Variants in ART3 observed in about 807,000 individuals in gnomAD.
ART3 encodes the protein ecto-ADP-ribosyltransferase 3.
A neutral mutation model predicts 48.5 loss-of-function variants in ART3; 49 were observed. The observed-to-expected ratio is 1.01, with a 90% CI of 0.80 to 1.28. ART3 has a LOEUF of 1.28. ART3 is among the 50% of genes most tolerant of loss of function. The probability of loss-of-function intolerance (pLI) is 0.00; values close to 1 mark genes in which losing one functional copy is unlikely to be tolerated. For synonymous variants in ART3, 145 were observed against 157.2 expected, an observed-to-expected ratio of 0.92 and a Z score of 0.58; for missense variants, 438 against 454.3, an observed-to-expected ratio of 0.96 and a Z score of 0.33.
chr4:76,081,992 C>G lies in ART3; in HGVS notation c.238C>G (p.Arg80Gly), dbSNP rs753946318. 1.9e-6 allele frequency: 3 copies of G among 1,614,116 alleles called. No individual in the cohort carries two copies. Among genetic ancestry groups the G allele is most frequent in the Non-Finnish European group, 2.5e-6 (3 of 1,180,014 alleles). Reference protein sequence around the residue: ...WENAKAKWAARKTQIFLPMNF... With the variant: ...WENAKAKWAAGKTQIFLPMNF... ...AAATGCAAAAGCCAAATGGGCAGCC[C>G]GAAAGACTCAAATCTTTCTCCCTAT... is the stretch of plus-strand genomic sequence containing the variant. Residue 80 changes from arginine (R) to glycine (G), a missense_variant, in exon 3 of 12, where the codon CGA becomes GGA. Physicochemically the swap from Arg to Gly is moderately radical, Grantham distance 125 (BLOSUM62 -2). This residue lies in a region of ART3 where 206 missense variants were observed against 205.3 expected (regional missense o/e 1.00). Transcript: ENST00000355810.
intron 1 of ART3, among the ~76,000 whole-genome samples, chr4:76,063,999 A>C (rs1265033136): frequency 6.6e-6 from 1 of 152,206 alleles, no homozygotes; most frequent in Non-Finnish European, 1.5e-5. Context: ...TATGAAGCAA[A>C]AAGCTGTAGA....
chr4:76,052,279 AT>A, intron 1 of ART3, among the ~76,000 whole-genome samples: 3 of 152,150 alleles, frequency 2.0e-5, no homozygotes, highest in African/African-American at 7.2e-5. Flanking sequence ...GTATTTGAGA[AT>A]GAGATATATC....
intron 1 of ART3, among the ~76,000 whole-genome samples, chr4:76,055,516 A>G (rs1301218417): frequency 6.6e-6 from 1 of 152,232 alleles, no homozygotes; most frequent in Non-Finnish European, 1.5e-5. Context: ...AGAGGACAGC[A>G]GCAATGAAAA....
chr4:76,056,420 A>G (rs1223857416), intron 1 of ART3, among the ~76,000 whole-genome samples: 1 of 152,184 alleles, frequency 6.6e-6, no homozygotes, highest in Non-Finnish European at 1.5e-5. Context: ...GCCAGAGAGG[A>G]CTTTGAACAT....
chr4:76,075,298 T>G (rs1042372089), intron 1 of ART3: 1 of 152,394 alleles, frequency 6.6e-6, no homozygotes, highest in Non-Finnish European at 1.5e-5. Context: ...TATTTTACCC[T>G]CGGGCTTCTC....
chr4:76,053,586 G>T (rs1030531566), intron 1 of ART3, among the ~76,000 whole-genome samples: 3 of 152,126 alleles, frequency 2.0e-5, no homozygotes, highest in Non-Finnish European at 2.9e-5. Flanking sequence ...TCAAAGAAAA[G>T]CTACTTAATT....
rs185129096 is a variant in ART3, at chr4:76,052,119, G to A, written c.-9-23762G>A. Among the ~76,000 whole-genome samples the A allele has an allele frequency of 5.9e-5, 9 of 151,774 alleles. No individual in the cohort carries two copies. In the East Asian group the frequency reaches 1.4e-3, roughly 23 times the overall value. ...AGAGACGGGGTTTCGCCATGCTCAC[G>A]CCTGTAATCCCAGCACTTTGGGAGG... On this transcript the variant is annotated intron_variant, in intron 1 of 9. Transcript: ENST00000341029.
At chr4:76,105,171 C>T (rs149272987) in intron 10 of ART3, among the ~76,000 whole-genome samples, 86 of 152,272 alleles carry the variant, frequency 5.6e-4, no homozygotes, top group African/African-American at 1.9e-3. Flanking sequence ...CCTTGTGCGT[C>T]TACATCTCTT....
At chr4:76,078,728 C>T (rs1030752989) in intron 2 of ART3, among the ~76,000 whole-genome samples, 3 of 152,158 alleles carry the variant, frequency 2.0e-5, no homozygotes, top group Non-Finnish European at 4.4e-5. Flanking sequence ...CATAAATGTC[C>T]ATGGTCTTCA....
chr4:76,063,782 A>G (rs1215796838), intron 1 of ART3, among the ~76,000 whole-genome samples: 1 of 152,180 alleles, frequency 6.6e-6, no homozygotes, highest in African/African-American at 2.4e-5. Flanking sequence ...TAATTTTGGC[A>G]CTAAACATTG....
intron 1 of ART3, among the ~76,000 whole-genome samples, chr4:76,075,045 C>G (rs10019066): frequency 6.6e-6 from 1 of 151,990 alleles, no homozygotes; most frequent in Middle Eastern, 3.2e-3. Context: ...ATATGGGAAA[C>G]TGAGGCCAAA....
At chr4:76,099,672 T>G (rs1470539625) in intron 5 of ART3, 2 of 153,846 alleles carry the variant, frequency 1.3e-5, no homozygotes, top group African/African-American at 4.8e-5. Context: ...CTCTCAAATA[T>G]GCAGATGCTT....
chr4:76,056,627 A>C (rs1395915692), intron 1 of ART3, among the ~76,000 whole-genome samples: 2 of 152,134 alleles, frequency 1.3e-5, no homozygotes, highest in Non-Finnish European at 2.9e-5. Flanking sequence ...GAGACCAGGA[A>C]AGGTGCAAAG....
chr4:76,083,226 G>A (rs891368432), intron 3 of ART3, among the ~76,000 whole-genome samples: 6 of 151,960 alleles, frequency 3.9e-5, no homozygotes, highest in Non-Finnish European at 7.4e-5. Context: ...AATAGCAGTC[G>A]CCAGCCCCAC....
At chr4:76,081,657 A>T (rs1157457974) in intron 2 of ART3, among the ~76,000 whole-genome samples, 167 bp from the exon 3 acceptor site, 2 of 152,234 alleles carry the variant, frequency 1.3e-5, no homozygotes, top group Non-Finnish European at 2.9e-5. Flanking sequence ...GAGAAAAGTT[A>T]TCAATAGCAA....
At chr4:76,103,914 C>G in intron 8 of ART3, 23 bp from the exon 9 acceptor site, 1 of 1,582,330 alleles carries the variant, frequency 6.3e-7, no homozygotes, top group Non-Finnish European at 8.6e-7. Context: ...TTAATACAAA[C>G]CAATATTTAT....
At chr4:76,078,819 G>A (rs908679330) in intron 2 of ART3, among the ~76,000 whole-genome samples, 1 of 152,142 alleles carries the variant, frequency 6.6e-6, no homozygotes, top group Non-Finnish European at 1.5e-5. Flanking sequence ...GGTGGCTCAC[G>A]CCTGTAATCC....
chr4:76,023,154 GTCC>G (rs1733034805), intron 1 of ART3, among the ~76,000 whole-genome samples: 2 of 151,852 alleles, frequency 1.3e-5, no homozygotes, highest in African/African-American at 4.8e-5. Flanking sequence ...CATCTCTTCT[GTCC>G]TCCTTCCCTT....
At chr4:76,083,338 C>A (rs1424765687) in intron 3 of ART3, among the ~76,000 whole-genome samples, 1 of 152,178 alleles carries the variant, frequency 6.6e-6, no homozygotes, top group Admixed American at 6.5e-5. Flanking sequence ...CATGCTTCAA[C>A]ATGTTATTTC....
Sources: gnomAD v4.1 joint callset for allele counts (sites outside exome capture counted in the v4.1 genomes callset) on GRCh38, gnomAD v4.1.1 for gene constraint, gnomAD v4.1.1 regional missense constraint, MANE v1.5 for transcripts, NCBI Gene and HGNC (gene_info 2026-07-23, HGNC 2026-07-21) for gene names.